The following DCTN4 variants were observed in gnomAD, a reference collection of about 807,000 sequenced individuals.
DCTN4 encodes dynactin subunit 4.
Under a neutral mutation model 62.7 loss-of-function variants are expected in DCTN4, and 23 were observed. The observed-to-expected ratio is 0.37, with a 90% CI of 0.26 to 0.52. DCTN4 has a LOEUF of 0.52. DCTN4 is among the 20% of genes least tolerant of loss of function. DCTN4 has a pLI of 0.92. For synonymous variants in DCTN4, 199 were observed against 202.1 expected (o/e 0.98, Z 0.13); for missense variants, 514 against 580.4 (o/e 0.89, Z 1.18).
At chr5:150,727,839 G>A (rs1180640245) in intron 8 of DCTN4, among the ~76,000 whole-genome samples, 1 of 149,890 alleles carries the variant, frequency 6.7e-6, no homozygotes, top group African/African-American at 2.5e-5. Flanking sequence ...TTTGTAATTG[G>A]AGATAGTTTT....
intron 4 of DCTN4, among the ~76,000 whole-genome samples, chr5:150,741,549 T>C (rs1046295288): frequency 3.9e-5 from 6 of 152,102 alleles, no homozygotes; most frequent in African/African-American, 1.2e-4. Context: ...GGTATGATCA[T>C]AGCTCAATGC....
At chr5:150,750,173 T>A (rs1489171801) in intron 3 of DCTN4, among the ~76,000 whole-genome samples, 1 of 152,174 alleles carries the variant, frequency 6.6e-6, no homozygotes, top group Non-Finnish European at 1.5e-5. Flanking sequence ...TACACACTTG[T>A]CAAACATCAC....
chr5:150,735,015 T>C (rs1212906686), intron 4 of DCTN4, among the ~76,000 whole-genome samples: 4 of 152,166 alleles, frequency 2.6e-5, no homozygotes, highest in African/African-American at 9.7e-5. Flanking sequence ...AGCTCAGATA[T>C]GCCCCCACCT....
intron 2 of DCTN4, among the ~76,000 whole-genome samples, chr5:150,754,962 C>CAA (rs60837855): frequency 7.3e-6 from 1 of 136,796 alleles, no homozygotes; most frequent in African/African-American, 2.6e-5. Flanking sequence ...GACCCTGTCT[C>CAA]AAAAAAAAAA....
chr5:150,727,043 T>C (rs764473430), intron 8 of DCTN4, among the ~76,000 whole-genome samples: 6 of 152,170 alleles, frequency 3.9e-5, no homozygotes, highest in Non-Finnish European at 8.8e-5. Context: ...ATGGTGCCAC[T>C]GCAGGGGTTA....
chr5:150,725,632 C>G (rs1048144969), intron 8 of DCTN4, among the ~76,000 whole-genome samples: 18 of 152,000 alleles, frequency 1.2e-4, no homozygotes, highest in African/African-American at 4.3e-4. Context: ...CTAATATATA[C>G]TGTATAGCTA....
At position 150,709,633 on chromosome 5, in the gene DCTN4, T is replaced by A. The variant is rs573286448; in HGVS notation, c.*1516A>T. On this transcript the variant is annotated 3_prime_UTR_variant, in exon 13 of 13. Coordinates refer to ENST00000447998, the MANE Select transcript of DCTN4 (RefSeq NM_016221.4). ...CACATATATTACTCTGTAGGACTGTTTCATAAAATTGGCTTGACCTTTGTA... is the reference window on the plus strand; with the variant it reads ...CACATATATTACTCTGTAGGACTGTATCATAAAATTGGCTTGACCTTTGTA... The A allele has an allele frequency of 6.6e-6, 1 of 152,364 alleles. No individual in the cohort carries two copies. The highest frequency in any genetic ancestry group is 1.5e-5 in the Non-Finnish European group (1 of 68,040). The allele number at this position is 152,364 out of a possible 1,614,324, so 9.4% of individuals were successfully genotyped here.
At position 150,719,308 on chromosome 5, in the gene DCTN4, G is replaced by A. The variant is rs1581567323; in HGVS notation, c.963+408C>T. ...TCTACAATTCACTGGGTGTGTGTGT[G>A]GAAGGAAGGGGAGTAGATGAGGACT... On this transcript the variant is annotated intron_variant, in intron 10 of 12. Coordinates refer to ENST00000447998, the MANE Select transcript of DCTN4 (RefSeq NM_016221.4). Among the ~76,000 whole-genome samples, 3 of 152,160 alleles carry A rather than the reference G, an allele frequency of 2.0e-5. No homozygotes were observed. In the East Asian group the frequency reaches 5.8e-4, roughly 29 times the overall value.
At chr5:150,736,447 C>G (rs1489575230) in intron 4 of DCTN4, 3 of 152,186 alleles carry the variant, frequency 2.0e-5, no homozygotes, top group Admixed American at 6.5e-5. Flanking sequence ...GGACTGGGGT[C>G]CTATCTTTAG....
intron 9 of DCTN4, among the ~76,000 whole-genome samples, chr5:150,721,818 T>C (rs1759962871): frequency 6.6e-6 from 1 of 152,200 alleles, no homozygotes; most frequent in Non-Finnish European, 1.5e-5. Flanking sequence ...GCTAATTTTG[T>C]CTTAAAAAAA....
At chr5:150,718,419 CA>C in intron 10 of DCTN4, 36 bp from the exon 11 acceptor site, 1 of 1,502,268 alleles carries the variant, frequency 6.7e-7, no homozygotes, top group Non-Finnish European at 9.2e-7. Flanking sequence ...AGACATTCGC[CA>C]CTTTCTTAGC....
At chr5:150,736,051 AC>A (rs1396786214) in intron 4 of DCTN4, among the ~76,000 whole-genome samples, 8 of 151,960 alleles carry the variant, frequency 5.3e-5, no homozygotes, top group African/African-American at 1.4e-4. Flanking sequence ...TCTGACAAAT[AC>A]AAAGAAAAAA....
At chr5:150,741,665 A>G (rs979053889) in intron 4 of DCTN4, among the ~76,000 whole-genome samples, 2 of 150,892 alleles carry the variant, frequency 1.3e-5, no homozygotes, top group African/African-American at 4.9e-5. Flanking sequence ...ATTTTTTTGT[A>G]GAGATGGGGT....
intron 3 of DCTN4, among the ~76,000 whole-genome samples, chr5:150,744,398 T>C (rs1370406323): frequency 6.6e-6 from 1 of 151,840 alleles, no homozygotes. Flanking sequence ...TTCCCCAATC[T>C]AGCAAGGCAG....
Position 150,735,397 on chromosome 5 carries a change from G to T in DCTN4, c.430-1922C>A, listed in dbSNP as rs189605768. 9.9e-5 allele frequency among the ~76,000 whole-genome samples: 15 copies of T among 152,272 alleles called. No homozygotes were observed. In the East Asian group the frequency reaches 2.1e-3, roughly 22 times the overall value. Reference sequence around the variant, plus strand: ...CATACGAAACCAAACTACAACCAAGGACCCTCACAGAGTCCACTTCACTCT... The same window carrying T: ...CATACGAAACCAAACTACAACCAAGTACCCTCACAGAGTCCACTTCACTCT... On this transcript the variant is annotated intron_variant, in intron 4 of 12. Coordinates refer to ENST00000447998, the MANE Select transcript of DCTN4 (RefSeq NM_016221.4).
In DCTN4 at chr5:150,749,944, T is replaced by C. The variant is rs376888393; in HGVS notation, c.385+3535A>G. Among the ~76,000 whole-genome samples the C allele has an allele frequency of 9.9e-5, 15 of 152,254 alleles. No individual in the cohort carries two copies. In the East Asian group the frequency reaches 2.1e-3, roughly 22 times the overall value. On this transcript the variant is annotated intron_variant, in intron 3 of 12. Coordinates refer to ENST00000447998, the MANE Select transcript of DCTN4 (RefSeq NM_016221.4). ...AAGAAGAAACACAGATGAACCTCAATAGCATTATGCTAAATAAAAGAAGAC... is the reference window on the plus strand; with the variant it reads ...AAGAAGAAACACAGATGAACCTCAACAGCATTATGCTAAATAAAAGAAGAC...
chr5:150,721,360 C>T (rs768846731), intron 9 of DCTN4, among the ~76,000 whole-genome samples: 1 of 152,056 alleles, frequency 6.6e-6, no homozygotes, highest in Non-Finnish European at 1.5e-5. Context: ...TAAAACACAC[C>T]TTTGGAAATG....
At chr5:150,713,161 A>G (rs192112250) in intron 12 of DCTN4, among the ~76,000 whole-genome samples, 74 of 152,348 alleles carry the variant, frequency 4.9e-4, no homozygotes, top group Non-Finnish European at 1.0e-3. Flanking sequence ...TCATGTAAAA[A>G]ATAATTCAAA....
At position 150,730,613 on chromosome 5, in the gene DCTN4, AC is replaced by A. The variant is rs1218026267; in HGVS notation, c.834+17del. The A allele has an allele frequency of 6.2e-7, 1 of 1,607,924 alleles. No individual in the cohort carries two copies. Among genetic ancestry groups the A allele is most frequent in the Non-Finnish European group, 8.5e-7 (1 of 1,174,748 alleles). On this transcript the variant is annotated intron_variant, in intron 8 of 12. Coordinates refer to ENST00000447998, the MANE Select transcript of DCTN4 (RefSeq NM_016221.4). Reference sequence around the variant, plus strand: ...TTCCTCTTGTACAAATGGTCAGTCTACAGAATGGAATACTTACACGGCAGCG... The same window carrying A: ...TTCCTCTTGTACAAATGGTCAGTCTAAGAATGGAATACTTACACGGCAGCG...
Sources: gnomAD v4.1 joint callset for allele counts (sites outside exome capture counted in the v4.1 genomes callset) on GRCh38, gnomAD v4.1.1 for gene constraint, MANE v1.5 for transcripts, NCBI Gene and HGNC (gene_info 2026-07-23, HGNC 2026-07-21) for gene names.